C2CD5: variants seen among roughly 807,000 people sequenced by gnomAD.
C2CD5 encodes C2 calcium dependent domain containing 5, also known as C2 domain-containing protein 5.
A neutral mutation model predicts 130.3 loss-of-function variants in C2CD5; 109 were observed. The observed-to-expected ratio is 0.84, with a 90% CI of 0.72 to 0.98. C2CD5 has a LOEUF of 0.98. C2CD5 is among the 50% of genes least tolerant of loss of function. C2CD5 has a pLI of 0.00. For synonymous variants in C2CD5, 454 were observed against 429.2 expected (o/e 1.06, Z -0.71); for missense variants, 996 against 1,261.8 (o/e 0.79, Z 3.19).
intron 12 of C2CD5, among the ~76,000 whole-genome samples, chr12:22,487,367 C>A (rs185420765): frequency 0.045 from 6,266 of 140,178 alleles, 166 homozygotes; most frequent in South Asian, 0.11. Context: ...AAGAAAAAAA[C>A]AACTCCATCA....
At position 22,493,151 on chromosome 12, in the gene C2CD5, C is replaced by T. The variant is rs1946573814; in HGVS notation, c.1262+72G>A. On this transcript the variant is annotated intron_variant, in intron 11 of 26. Transcript: ENST00000446597. ...TCGCTATTCTCTTTTCTTTTATTTG[C>T]ATGAAGCTTTTCCCCTTTCAGATGG... The T allele has an allele frequency of 7.2e-6, 6 of 831,694 alleles. No homozygotes were observed. The South Asian group carries it at 1.0e-4, about 14-fold the overall frequency. 51.5% of individuals were successfully genotyped at this position (831,694 alleles called of 1,614,324 possible). A position where few individuals can be genotyped will look rare whatever the true frequency, so the allele number is the denominator to read the frequency against.
intron 2 of C2CD5, among the ~76,000 whole-genome samples, chr12:22,543,708 TTG>T (rs34060195): frequency 1.1e-4 from 16 of 141,804 alleles, no homozygotes; most frequent in African/African-American, 2.3e-4. Flanking sequence ...ATTCCGGCAT[TTG>T]TGTGTGTGTG....
chr12:22,542,736 TGCAA>T (rs1952517720), intron 2 of C2CD5, among the ~76,000 whole-genome samples: 1 of 152,228 alleles, frequency 6.6e-6, no homozygotes, highest in African/African-American at 2.4e-5. Context: ...TGTGGAGGTT[TGCAA>T]GCTATGTAAC....
intron 10 of C2CD5, among the ~76,000 whole-genome samples, chr12:22,500,389 A>G (rs1420108451): frequency 6.6e-6 from 1 of 152,210 alleles, no homozygotes; most frequent in African/African-American, 2.4e-5. Flanking sequence ...AAGTTTGAGA[A>G]CCACACTCAA....
chr12:22,539,542 C>A (rs1156698888), intron 2 of C2CD5, among the ~76,000 whole-genome samples: 1 of 151,978 alleles, frequency 6.6e-6, no homozygotes, highest in South Asian at 2.1e-4. Flanking sequence ...AAGCTTTAGA[C>A]ATTTCTAGCA....
At chr12:22,520,902 T>C (rs1950212208) in intron 7 of C2CD5, among the ~76,000 whole-genome samples, 1 of 152,100 alleles carries the variant, frequency 6.6e-6, no homozygotes, top group Non-Finnish European at 1.5e-5. Flanking sequence ...AAAACTAAAA[T>C]GAACAGTGTA....
intron 10 of C2CD5, among the ~76,000 whole-genome samples, chr12:22,493,648 A>C (rs1196907794): frequency 6.6e-6 from 1 of 152,126 alleles, no homozygotes; most frequent in African/African-American, 2.4e-5. Context: ...CTATGATTAG[A>C]ATTTTAGAAT....
chr12:22,471,898 A>C, intron 19 of C2CD5, 69 bp downstream of exon 19: 1 of 851,076 alleles, frequency 1.2e-6, no homozygotes, highest in Non-Finnish European at 2.0e-6. Flanking sequence ...CAGACAATAC[A>C]GCAATATAGA....
In C2CD5 at chr12:22,490,192, G is replaced by C. The variant is rs776040210; in HGVS notation, c.1289C>G (p.Ser430Cys). ...ICEEVCILSASGTAAVLNPRF... is the reference protein window; with the variant it reads ...ICEEVCILSACGTAAVLNPRF... The stretch of plus-strand genomic sequence containing the variant: ...AGGATTCAGTACAGCCGCTGTGCCA[G>C]ATGCAGATAAAATGCAGACCTCTTC... Residue 430 changes from serine to cysteine, a missense_variant, in exon 12 of 27, where the codon TCT (serine) becomes TGT (cysteine). Ser to Cys is a moderately radical substitution (Grantham distance 112). Transcript: ENST00000446597. 3 of 1,613,276 alleles carry C rather than the reference G, an allele frequency of 1.9e-6. No individual in the cohort carries two copies. Among genetic ancestry groups the C allele is most frequent in the African/African-American group, 2.7e-5 (2 of 74,864 alleles).
intron 8 of C2CD5, among the ~76,000 whole-genome samples, chr12:22,516,280 T>C (rs184732847): frequency 1.3e-5 from 2 of 151,810 alleles, no homozygotes; most frequent in African/African-American, 4.8e-5. Flanking sequence ...GAAATAGGAG[T>C]GCTCCTCAGG....
chr12:22,502,938 TAATA>T lies in C2CD5; in HGVS notation c.1147+3769_1147+3772del, dbSNP rs1947988029. ...ACTGGAAAGACATAGACAGCAGAGTTAATAAGAAGTAGAAATAGAAAGGGGGAAA... is the reference window on the plus strand; with the variant it reads ...ACTGGAAAGACATAGACAGCAGAGTTAGAAGTAGAAATAGAAAGGGGGAAA... On this transcript the variant is annotated intron_variant, in intron 10 of 26. Transcript: ENST00000446597. 1.9e-5 allele frequency: 11 copies of T among 584,040 alleles called. No homozygotes were observed. The Admixed American group carries it at 1.9e-4, about 10-fold the overall frequency. 36.2% of individuals were successfully genotyped at this position (584,040 alleles called of 1,614,324 possible).
At chr12:22,505,013 C>A (rs1436199494) in intron 10 of C2CD5, among the ~76,000 whole-genome samples, 2 of 152,070 alleles carry the variant, frequency 1.3e-5, no homozygotes, top group African/African-American at 2.4e-5. Flanking sequence ...TTAGAAGATG[C>A]ATTTGCCCAG....
At position 22,470,637 on chromosome 12, in the gene C2CD5, C is replaced by T. The variant is rs561792737; in HGVS notation, c.2446+187G>A. ...ACATCAGTCAAATACCACCCAGTCG[C>T]GTGTGAAAAATATCAAGTCAGCCAT... On this transcript the variant is annotated intron_variant, in intron 21 of 26. Coordinates refer to ENST00000446597, the MANE Select transcript of C2CD5 (RefSeq NM_001286176.2). 2.6e-5 allele frequency among the ~76,000 whole-genome samples: 4 copies of T among 152,172 alleles called. No individual in the cohort carries two copies. In the South Asian group the frequency reaches 8.3e-4, roughly 32 times the overall value.
In C2CD5 at chr12:22,485,504, A is replaced by T. The variant is rs182194118; in HGVS notation, c.1359-616T>A. Among the ~76,000 whole-genome samples, 679 of 152,224 alleles carry T rather than the reference A, an allele frequency of 4.5e-3. 9 individuals carry two copies. Among genetic ancestry groups the T allele is most frequent in the African/African-American group, 0.016 (647 of 41,556 alleles). On this transcript the variant is annotated intron_variant, in intron 12 of 26. Coordinates refer to ENST00000446597, the MANE Select transcript of C2CD5 (RefSeq NM_001286176.2). ...AATTAAAAAAAATCCAAGTGTAATAATTTTTTAATTTAATGTAAAAAAGTA... is the reference window on the plus strand; with the variant it reads ...AATTAAAAAAAATCCAAGTGTAATATTTTTTTAATTTAATGTAAAAAAGTA...
chr12:22,473,156 C>G (rs894389513), intron 16 of C2CD5, among the ~76,000 whole-genome samples: 4 of 152,034 alleles, frequency 2.6e-5, no homozygotes, highest in African/African-American at 9.7e-5. Flanking sequence ...ATGCAGAACT[C>G]CTTTACAATG....
intron 22 of C2CD5, chr12:22,463,660 T>A (rs948984096): frequency 2.6e-5 from 4 of 151,290 alleles, no homozygotes; most frequent in Admixed American, 6.6e-5. Context: ...CCAAACAAAC[T>A]AAGATAAATA....
In C2CD5 at chr12:22,469,787, C is replaced by T; in HGVS notation, c.2455G>A (p.Asp819Asn). The stretch of plus-strand genomic sequence containing the variant: ...GGAAATTGTAAAAGTTCTTCATTAT[C>T]TGTTGAGGCTAGAAAGGCAAGAAAA... Reference protein sequence around the residue: ...VEKSLQRASTDNEELLQFPLE... With the variant: ...VEKSLQRASTNNEELLQFPLE... The change falls in exon 22 of 27, where the codon GAT becomes AAT. Residue 819 changes from aspartate to asparagine, a missense_variant. By Grantham distance (23) the Asp-to-Asn change is conservative (BLOSUM62 1). This residue lies in a region of C2CD5 where 590 missense variants were observed against 631.4 expected (regional missense o/e 0.93). Transcript: ENST00000446597. 1 of 1,591,032 alleles carries T rather than the reference C, an allele frequency of 6.3e-7. No individual in the cohort carries two copies. The highest frequency in any genetic ancestry group is 2.3e-5 in the East Asian group (1 of 43,320).
chr12:22,459,882 A>G (rs112148981), intron 22 of C2CD5, among the ~76,000 whole-genome samples: 2 of 152,322 alleles, frequency 1.3e-5, no homozygotes, highest in African/African-American at 4.8e-5. Context: ...GAAAAGGGTC[A>G]ATGTGTTGGG....
intron 10 of C2CD5, among the ~76,000 whole-genome samples, chr12:22,498,200 T>C (rs760033375): frequency 4.6e-5 from 7 of 152,102 alleles, no homozygotes; most frequent in Non-Finnish European, 1.0e-4. Context: ...GCCTACCACC[T>C]ATCTCCATTT....
Sources: allele counts gnomAD v4.1 joint callset (sites outside exome capture counted in the v4.1 genomes callset), GRCh38; gene constraint gnomAD v4.1.1; regional missense constraint gnomAD v4.1.1; transcripts MANE v1.5; gene names NCBI Gene and HGNC (gene_info 2026-07-23, HGNC 2026-07-21).